DUSP19: variants seen among roughly 807,000 people sequenced by gnomAD.
DUSP19 encodes dual specificity phosphatase 19.
In DUSP19, 14 loss-of-function variants were observed where a neutral mutation model predicts 16.6. That is an observed-to-expected ratio of 0.84 (90% CI 0.56 to 1.32). The LOEUF is 1.32. Ranked by LOEUF, DUSP19 falls within the 40% of genes most tolerant of loss-of-function variation. The pLI is 0.00. For missense variants in DUSP19, 258 were observed against 255.9 expected (o/e 1.01, Z -0.06); for synonymous variants, 81 against 90.5 (o/e 0.90, Z 0.59).
intron 1 of DUSP19, among the ~76,000 whole-genome samples, chr2:183,079,394 T>G: frequency 6.6e-6 from 1 of 152,174 alleles, no homozygotes; most frequent in Non-Finnish European, 1.5e-5. Flanking sequence ...ATATTTGAAT[T>G]TTAGAAAAGC....
rs1439686438 is a variant in DUSP19 at position 183,078,818 on chromosome 2, A to G, written c.-116A>G. ...GTCTGTGGCTGCTGCGGTTACCTGG[A>G]TGGGCGAGCACCTCTGAGGCTGGCT... On this transcript the variant is annotated 5_prime_UTR_variant, in exon 1 of 4. It removes an upstream start codon present in the reference 5' UTR. Coordinates refer to ENST00000354221, the MANE Select transcript of DUSP19 (RefSeq NM_080876.4). The G allele has an allele frequency of 2.3e-6, 2 of 865,804 alleles. No individual in the cohort carries two copies. Among genetic ancestry groups the G allele is most frequent in the Non-Finnish European group, 3.6e-6 (2 of 563,170 alleles). 53.6% of individuals were successfully genotyped at this position (865,804 alleles called of 1,614,324 possible).
At position 183,079,023 on chromosome 2, in the gene DUSP19, A is replaced by T; in HGVS notation, c.90A>T (p.Lys30Asn). 1 of 1,614,174 alleles carries T rather than the reference A, an allele frequency of 6.2e-7. No homozygotes were observed. Among genetic ancestry groups the T allele is most frequent in the Non-Finnish European group, 8.5e-7 (1 of 1,180,040 alleles). The change falls in exon 1 of 4, where the codon AAA (lysine) becomes AAT (asparagine). Residue 30 changes from lysine (K) to asparagine (N), a missense_variant. Physicochemically the swap from Lys to Asn is moderately conservative, Grantham distance 94 (BLOSUM62 0). Transcript: ENST00000354221. The stretch of plus-strand genomic sequence containing the variant: ...GGGTGACAACGCTAACTGGAAAGAA[A>T]ATTATAGAAACATGGAAAGATGCCA... ...CTRVTTLTGK[K>N]IIETWKDARI... is the part of the protein sequence containing the mutation.
rs911090069 is a variant in DUSP19 at position 183,083,492 on chromosome 2, C to T, written c.227-16C>T. The T allele has an allele frequency of 1.9e-6, 3 of 1,596,520 alleles. No individual in the cohort carries two copies. Among genetic ancestry groups the T allele is most frequent in the Non-Finnish European group, 2.6e-6 (3 of 1,171,208 alleles). ...ATTATATTTGTGTTCAAGGTGGTAT[C>T]ATTTATTTCTTCTAGGGTCACAAGA... On this transcript the variant is annotated splice_polypyrimidine_tract_variant and intron_variant, in intron 1 of 3. Transcript: ENST00000354221.
chr2:183,086,996 A>G (rs1233427494), intron 2 of DUSP19, 44 bp from the exon 3 acceptor site: 1 of 1,579,504 alleles, frequency 6.3e-7, no homozygotes, highest in African/African-American at 1.4e-5. Context: ...AGGTAACCTA[A>G]TTCATGGGAT....
intron 3 of DUSP19, among the ~76,000 whole-genome samples, chr2:183,093,499 A>C (rs1000612376): frequency 7.9e-5 from 12 of 152,208 alleles, no homozygotes; most frequent in Non-Finnish European, 1.3e-4. Context: ...CAAAGGAAAA[A>C]AAAAGTGGTT....
chr2:183,084,286 G>A (rs1699632401), intron 2 of DUSP19, among the ~76,000 whole-genome samples: 1 of 152,080 alleles, frequency 6.6e-6, no homozygotes. Flanking sequence ...AAGAGGCTAG[G>A]AAAGGAGTAG....
chr2:183,088,446 G>C (rs1256322416), intron 3 of DUSP19, among the ~76,000 whole-genome samples: 1 of 127,830 alleles, frequency 7.8e-6, no homozygotes, highest in Non-Finnish European at 1.6e-5. Context: ...TCACTCTGTC[G>C]CCAGGCTGGA....
Position 183,094,274 on chromosome 2 carries a change from G to A in DUSP19, c.427-1157G>A, listed in dbSNP as rs904865790. ...GAGTTTTGCAACAGATGTCTGAATCGGAAAACTGCCTTGCAGAAGTAAAAT... is the reference window on the plus strand; with the variant it reads ...GAGTTTTGCAACAGATGTCTGAATCAGAAAACTGCCTTGCAGAAGTAAAAT... On this transcript the variant is annotated intron_variant, in intron 3 of 3. Coordinates refer to ENST00000354221, the MANE Select transcript of DUSP19 (RefSeq NM_080876.4). Among the ~76,000 whole-genome samples the A allele has an allele frequency of 2.6e-5, 4 of 152,106 alleles. No individual in the cohort carries two copies. The East Asian group carries it at 7.7e-4, about 29-fold the overall frequency.
At position 183,096,959 on chromosome 2, in the gene DUSP19, A is replaced by G. The variant is rs1699810687; in HGVS notation, c.*1301A>G. ...CTGTACATTATAAATTTGCTTAAAG[A>G]TTTTGATTTTTTCTTCAGAATATGG... On this transcript the variant is annotated 3_prime_UTR_variant, in exon 4 of 4. Transcript: ENST00000354221. The G allele has an allele frequency of 6.6e-6, 1 of 151,390 alleles. No homozygotes were observed. Among genetic ancestry groups the G allele is most frequent in the Admixed American group, 6.6e-5 (1 of 15,138 alleles). The allele number at this position is 151,390 out of a possible 1,614,324, so 9.4% of individuals were successfully genotyped here. A position where few individuals can be genotyped will look rare whatever the true frequency, so the allele number is the denominator to read the frequency against.
chr2:183,084,255 T>C (rs1342715464), intron 2 of DUSP19, among the ~76,000 whole-genome samples: 2 of 151,628 alleles, frequency 1.3e-5, no homozygotes, highest in East Asian at 1.9e-4. Flanking sequence ...CTGGAGGAAG[T>C]GATATTGAAG....
At position 183,096,537 on chromosome 2, in the gene DUSP19, C is replaced by T. The variant is rs1699805052; in HGVS notation, c.*879C>T. On this transcript the variant is annotated 3_prime_UTR_variant, in exon 4 of 4. Transcript: ENST00000354221. Reference sequence around the variant, plus strand: ...AGGCGTGAGCCACTGCATCCGACCTCATTTTGTTTTTTTCAATTCTGTTAT... The same window carrying T: ...AGGCGTGAGCCACTGCATCCGACCTTATTTTGTTTTTTTCAATTCTGTTAT... 1 of 149,742 alleles carries T rather than the reference C, an allele frequency of 6.7e-6. No homozygotes were observed. Among genetic ancestry groups the T allele is most frequent in the East Asian group, 2.0e-4 (1 of 5,092 alleles). The allele number at this position is 149,742 out of a possible 1,614,324, so 9.3% of individuals were successfully genotyped here. A position where few individuals can be genotyped will look rare whatever the true frequency, so the allele number is the denominator to read the frequency against.
At chr2:183,086,481 G>A (rs989074800) in intron 2 of DUSP19, among the ~76,000 whole-genome samples, 23 of 151,750 alleles carry the variant, frequency 1.5e-4, no homozygotes, top group Non-Finnish European at 2.9e-4. Flanking sequence ...TCTCTAAATG[G>A]CATGAGCTAT....
intron 2 of DUSP19, among the ~76,000 whole-genome samples, chr2:183,085,266 C>G (rs1383207063): frequency 1.3e-5 from 2 of 151,980 alleles, no homozygotes; most frequent in African/African-American, 4.8e-5. Flanking sequence ...TATCACAGAA[C>G]TGATAAATTG....
At chr2:183,079,367 G>T (rs1699562970) in intron 1 of DUSP19, among the ~76,000 whole-genome samples, 1 of 151,984 alleles carries the variant, frequency 6.6e-6, no homozygotes, top group Non-Finnish European at 1.5e-5. Context: ...TGCTATTCTC[G>T]TAGCACTTGG....
chr2:183,087,756 C>T (rs759019530), intron 3 of DUSP19, among the ~76,000 whole-genome samples: 2 of 152,100 alleles, frequency 1.3e-5, no homozygotes, highest in African/African-American at 2.4e-5. Context: ...ATGTAAGATA[C>T]GTAGATGGGA....
chr2:183,084,804 G>A (rs182419861), intron 2 of DUSP19, among the ~76,000 whole-genome samples: 2 of 152,322 alleles, frequency 1.3e-5, no homozygotes, highest in East Asian at 3.9e-4. Context: ...AGCTATTGCA[G>A]TAATCTAAGG....
intron 3 of DUSP19, among the ~76,000 whole-genome samples, chr2:183,089,589 CCTT>C (rs1004468546): frequency 6.4e-4 from 97 of 152,268 alleles, no homozygotes; most frequent in African/African-American, 2.2e-3. Context: ...AAGAAGAGCT[CCTT>C]CTTTGACAGG....
At chr2:183,086,969 C>T (rs1699670786) in intron 2 of DUSP19, 71 bp from the exon 3 acceptor site, 1 of 1,456,952 alleles carries the variant, frequency 6.9e-7, no homozygotes, top group South Asian at 1.3e-5. Context: ...TAGATATCAA[C>T]ACCCCAGTCT....
At chr2:183,080,541 C>T (rs2675084) in intron 1 of DUSP19, among the ~76,000 whole-genome samples, 150,323 of 152,288 alleles carry the variant, frequency 0.99, 74,223 homozygotes, top group Middle Eastern at 1. Context: ...AAAGAAAATA[C>T]GTCCTGGCAC....
Sources: gnomAD v4.1 joint callset for allele counts (sites outside exome capture counted in the v4.1 genomes callset) on GRCh38, gnomAD v4.1.1 for gene constraint, MANE v1.5 for transcripts, NCBI Gene and HGNC (gene_info 2026-07-23, HGNC 2026-07-21) for gene names.